NRIP2: variants seen among roughly 807,000 people sequenced by gnomAD.
NRIP2 encodes nuclear receptor interacting protein 2, also known as nuclear receptor-interacting protein 2.
NRIP2 carries 27 observed loss-of-function variants against 34.1 expected under a neutral mutation model. The observed-to-expected ratio is 0.79, with a 90% CI of 0.58 to 1.09. The LOEUF (loss-of-function observed/expected upper bound fraction) is 1.09, where lower values mean the gene tolerates loss of function less well. Among genes scored for constraint, NRIP2 ranks in the 50% least tolerant of loss-of-function variants. NRIP2 has a pLI of 0.00. For missense variants in NRIP2, 385 were observed against 352.6 expected, an observed-to-expected ratio of 1.09 and a Z score of -0.74; for synonymous variants, 145 against 146.9, an observed-to-expected ratio of 0.99 and a Z score of 0.09.
Position 2,827,384 on chromosome 12 carries a change from C to G in NRIP2, c.754-85G>C, listed in dbSNP as rs763224793. ...GCTCCTTTTGTTCCCCCTCCCACTTCCCACAGCTTCCACCTGCCTTTTGCT... is the reference window on the plus strand; with the variant it reads ...GCTCCTTTTGTTCCCCCTCCCACTTGCCACAGCTTCCACCTGCCTTTTGCT... On this transcript the variant is annotated intron_variant, in intron 5 of 5. Transcript: ENST00000337508. This position sits in a 1 kb window ranked among gnomAD's most constrained non-coding sequence, Gnocchi z 4.0. 2.6e-6 allele frequency: 4 copies of G among 1,533,262 alleles called. No individual in the cohort carries two copies. Among genetic ancestry groups the G allele is most frequent in the Non-Finnish European group, 3.5e-6 (4 of 1,146,238 alleles). 95.0% of individuals were successfully genotyped at this position (1,533,262 alleles called of 1,614,324 possible).
At position 2,830,774 on chromosome 12, in the gene NRIP2, A is replaced by G. The variant is rs2097997592; in HGVS notation, c.429T>C (p.Ile143=). 6.2e-7 allele frequency: 1 copy of G among 1,613,786 alleles called. No individual in the cohort carries two copies. The highest frequency in any genetic ancestry group is 1.3e-5 in the African/African-American group (1 of 74,884). The change falls in exon 2 of 6, where the codon ATT becomes ATC. Residue 143 remains isoleucine (I), a synonymous_variant. Coordinates refer to ENST00000337508, the MANE Select transcript of NRIP2 (RefSeq NM_031474.3). ...TCTTCCTCCTGCTCTCCTGGCCATG[A>G]ATCAGGTCCTGCATCCGGGGAGGCT... ...QGEPPRMQDL[I]HGQESRRKTS... is the part of the protein sequence containing the mutation.
intron 2 of NRIP2, 113 bp downstream of exon 2, chr12:2,830,595 G>C: frequency 8.4e-7 from 1 of 1,184,508 alleles, no homozygotes; most frequent in Non-Finnish European, 1.2e-6. Flanking sequence ...TAGGGAGAGA[G>C]GTGCCCTTTC....
rs1321487994 is a variant in NRIP2 at position 2,827,522 on chromosome 12, C to G, written c.753+103G>C. 1.9e-6 allele frequency: 3 copies of G among 1,579,606 alleles called. No homozygotes were observed. The highest frequency in any genetic ancestry group is 2.6e-6 in the Non-Finnish European group (3 of 1,166,934). ...CTAAGGAAGCAAAGGGACAGTTGCC[C>G]ATCTCTAAGTCACTCTCATCAGAAC... On this transcript the variant is annotated intron_variant, in intron 5 of 5. Coordinates refer to ENST00000337508, the MANE Select transcript of NRIP2 (RefSeq NM_031474.3). This position sits in a 1 kb window ranked among gnomAD's most constrained non-coding sequence, Gnocchi z 4.0.
In NRIP2 at chr12:2,834,759, G is replaced by A. The variant is rs116017926; in HGVS notation, c.225C>T (p.Asp75=). The A allele has an allele frequency of 5.5e-3, 8,907 of 1,613,868 alleles. 435 individuals carry two copies. In the African/African-American group the frequency reaches 0.11, roughly 19 times the overall value. ...GGCGCTGCTGGCTCAGGTGGGCTCG[G>A]TCTCGAAGCTGTGCCTCCTGCCCCC... is the stretch of plus-strand genomic sequence containing the variant. The part of the protein sequence containing the change: ...RTRGQEAQLR[D]RAHLSQQRRL... Residue 75 remains aspartate, a synonymous_variant, in exon 1 of 6, where the codon GAC becomes GAT. Coordinates refer to ENST00000337508, the MANE Select transcript of NRIP2 (RefSeq NM_031474.3).
intron 1 of NRIP2, among the ~76,000 whole-genome samples, 169 bp downstream of exon 1, chr12:2,834,473 A>C (rs1472722289): frequency 6.6e-6 from 1 of 152,194 alleles, no homozygotes; most frequent in Non-Finnish European, 1.5e-5. Flanking sequence ...CCATGGGAAC[A>C]TCCCCGGTGA....
rs2097961791 is a variant in NRIP2 at position 2,825,409 on chromosome 12, T to C, written c.*1798A>G. 6.6e-6 allele frequency: 1 copy of C among 152,464 alleles called. No homozygotes were observed. Among genetic ancestry groups the C allele is most frequent in the African/African-American group, 2.4e-5 (1 of 41,456 alleles). The allele number at this position is 152,464 out of a possible 1,614,324, so 9.4% of individuals were successfully genotyped here. ...TGAGCCGAGGGCTTGCCATTGGGCC[T>C]GGGGTCTGCAGTTACAGAAGCAGCA... On this transcript the variant is annotated 3_prime_UTR_variant, in exon 6 of 6. Transcript: ENST00000337508.
At position 2,827,667 on chromosome 12, in the gene NRIP2, A is replaced by G. The variant is rs35469762; in HGVS notation, c.711T>C (p.Ser237=). 3.0e-5 allele frequency: 49 copies of G among 1,613,770 alleles called. No homozygotes were observed. Among genetic ancestry groups the G allele is most frequent in the Non-Finnish European group, 5.1e-6 (6 of 1,179,976 alleles). ...TCTGCAGGCCCAGGCAGAATTCAGG[A>G]CTCTCAGCATCTATAGGAACAATTT... ...VCSAQVVDAE[S]PEFCLGLQTL... is the part of the protein sequence containing the mutation. Residue 237 remains serine, a synonymous_variant, in exon 5 of 6, where the codon AGT becomes AGC. Transcript: ENST00000337508. The surrounding 1 kb of genome is among the most constrained non-coding windows in gnomAD (Gnocchi z 4.0).
At position 2,830,957 on chromosome 12, in the gene NRIP2, A is replaced by AC. The variant is rs71441693; in HGVS notation, c.343-98dup. 8,252 of 1,166,616 alleles carry AC rather than the reference A, an allele frequency of 7.1e-3. 41 individuals carry two copies. Among genetic ancestry groups the AC allele is most frequent in the Non-Finnish European group, 8.7e-3 (7,659 of 875,568 alleles). 72.3% of individuals were successfully genotyped at this position (1,166,616 alleles called of 1,614,324 possible). A position where few individuals can be genotyped will look rare whatever the true frequency, so the allele number is the denominator to read the frequency against. On this transcript the variant is annotated intron_variant, in intron 1 of 5. Coordinates refer to ENST00000337508, the MANE Select transcript of NRIP2 (RefSeq NM_031474.3). ...TTAGATACCCCAGGATGCTCCCCCC[A>AC]CCCCCCCAGCCCTGAGCCTTACCCT...
At chr12:2,831,769 TTCTTTTCTTTC>T (rs978236013) in intron 1 of NRIP2, among the ~76,000 whole-genome samples, 3 of 152,112 alleles carry the variant, frequency 2.0e-5, no homozygotes, top group African/African-American at 7.2e-5. Context: ...TTCTTTCTTT[TTCTTTTCTTTC>T]AAGATGGGAT....
rs1187558316 is a variant in NRIP2 at position 2,825,678 on chromosome 12, A to G, written c.*1529T>C. On this transcript the variant is annotated 3_prime_UTR_variant, in exon 6 of 6. Coordinates refer to ENST00000337508, the MANE Select transcript of NRIP2 (RefSeq NM_031474.3). ...TTGCATCCCGGTTCTTCTCTAACCC[A>G]GTCAACCCCAGGCTCAAGACTGTTT... 1 of 152,622 alleles carries G rather than the reference A, an allele frequency of 6.6e-6. No homozygotes were observed. The highest frequency in any genetic ancestry group is 2.4e-5 in the African/African-American group (1 of 41,446). The allele number at this position is 152,622 out of a possible 1,614,324, so 9.5% of individuals were successfully genotyped here.
Position 2,827,376 on chromosome 12 carries a change from T to A in NRIP2, c.754-77A>T. On this transcript the variant is annotated intron_variant, in intron 5 of 5. Coordinates refer to ENST00000337508, the MANE Select transcript of NRIP2 (RefSeq NM_031474.3). The surrounding 1 kb of genome is among the most constrained non-coding windows in gnomAD (Gnocchi z 4.0). ...CCCGGCCTGCTCCTTTTGTTCCCCC[T>A]CCCACTTCCCACAGCTTCCACCTGC... 1.9e-6 allele frequency: 3 copies of A among 1,539,626 alleles called. No individual in the cohort carries two copies. The South Asian group carries it at 3.7e-5, about 19-fold the overall frequency.
At chr12:2,828,494 T>G in intron 2 of NRIP2, 80 bp from the exon 3 acceptor site, 1 of 1,058,120 alleles carries the variant, frequency 9.5e-7, no homozygotes, top group Non-Finnish European at 1.4e-6. Flanking sequence ...TCCCAGCCCA[T>G]TGATGATTCC....
intron 2 of NRIP2, among the ~76,000 whole-genome samples, chr12:2,828,735 G>A (rs2005828): frequency 0.069 from 10,502 of 152,130 alleles, 508 homozygotes; most frequent in Non-Finnish European, 0.1. Context: ...CCAGCTACTC[G>A]GGAGGCTGAG....
At chr12:2,829,328 C>T (rs1282777330) in intron 2 of NRIP2, among the ~76,000 whole-genome samples, 1 of 152,230 alleles carries the variant, frequency 6.6e-6, no homozygotes, top group African/African-American at 2.4e-5. Flanking sequence ...TGGATATACA[C>T]ACACATCGTT....
In NRIP2 at chr12:2,827,950, C is replaced by G; in HGVS notation, c.676G>C (p.Val226Leu). 6.2e-7 allele frequency: 1 copy of G among 1,614,216 alleles called. No individual in the cohort carries two copies. Among genetic ancestry groups the G allele is most frequent in the Non-Finnish European group, 8.5e-7 (1 of 1,180,048 alleles). ...QLELQLGQET[V>L]VCSAQVVDAE... ...CCCACCACCTGTGCCGAGCACACCA[C>G]AGTCTCCTGCCCCAGCTGTAGCTCC... Residue 226 changes from valine (V) to leucine (L), a missense_variant, in exon 4 of 6, where the codon GTG (valine) becomes CTG (leucine). By Grantham distance (32) the Val-to-Leu change is conservative. Transcript: ENST00000337508. This position sits in a 1 kb window ranked among gnomAD's most constrained non-coding sequence, Gnocchi z 4.0.
At position 2,830,503 on chromosome 12, in the gene NRIP2, G is replaced by A. The variant is rs142684275; in HGVS notation, c.495+205C>T. On this transcript the variant is annotated intron_variant, in intron 2 of 5. Transcript: ENST00000337508. ...ACCAAGGAAGGGGGGCAGAGTAATGGTGGTGACAGATGGAGTTGCACCGAG... is the reference window on the plus strand; with the variant it reads ...ACCAAGGAAGGGGGGCAGAGTAATGATGGTGACAGATGGAGTTGCACCGAG... The A allele has an allele frequency of 9.5e-6, 5 of 526,984 alleles. No homozygotes were observed. The East Asian group carries it at 1.3e-4, about 14-fold the overall frequency. 32.6% of individuals were successfully genotyped at this position (526,984 alleles called of 1,614,324 possible).
chr12:2,827,115 C>T lies in NRIP2; in HGVS notation c.*92G>A. On this transcript the variant is annotated 3_prime_UTR_variant, in exon 6 of 6. Transcript: ENST00000337508. The surrounding 1 kb of genome is among the most constrained non-coding windows in gnomAD (Gnocchi z 4.0). ...TGATTGGAAGGGCAGACACCATAGT[C>T]CCCAGCTACCTGGCTTCAAGAGCCC... The T allele has an allele frequency of 6.3e-7, 1 of 1,586,014 alleles. No individual in the cohort carries two copies. Among genetic ancestry groups the T allele is most frequent in the Non-Finnish European group, 8.6e-7 (1 of 1,168,990 alleles).
At chr12:2,829,134 T>C (rs2097986470) in intron 2 of NRIP2, among the ~76,000 whole-genome samples, 1 of 152,162 alleles carries the variant, frequency 6.6e-6, no homozygotes, top group South Asian at 2.1e-4. Context: ...TTTGTTTGTT[T>C]AGAGGAATCC....
At chr12:2,830,987 G>A (rs1311173746) in intron 1 of NRIP2, 127 bp from the exon 2 acceptor site, 3 of 918,680 alleles carry the variant, frequency 3.3e-6, no homozygotes, top group East Asian at 2.7e-5. Context: ...TACCCTAGGA[G>A]TTTACCCTAG....
Sources: allele counts gnomAD v4.1 joint callset (sites outside exome capture counted in the v4.1 genomes callset), GRCh38; gene constraint gnomAD v4.1.1; non-coding constraint Gnocchi (gnomAD v3.1); transcripts MANE v1.5; gene names NCBI Gene and HGNC (gene_info 2026-07-23, HGNC 2026-07-21).